Variants in CPEB3 observed in about 807,000 individuals in gnomAD.
CPEB3 encodes the protein cytoplasmic polyadenylation element-binding protein 3.
CPEB3 carries 20 observed loss-of-function variants against 67.2 expected under a neutral mutation model. That is an observed-to-expected ratio of 0.30 (90% CI 0.21 to 0.43). CPEB3 has a LOEUF of 0.43. Among genes scored for constraint, CPEB3 ranks in the 20% least tolerant of loss-of-function variants. The probability of loss-of-function intolerance (pLI) is 1.00; values close to 1 mark genes in which losing one functional copy is unlikely to be tolerated. For missense variants in CPEB3, 746 were observed against 968.6 expected (o/e 0.77, Z 3.05); for synonymous variants, 376 against 393.1 (o/e 0.96, Z 0.51).
chr10:92,065,871 A>G (rs1427911544), intron 9 of CPEB3, among the ~76,000 whole-genome samples: 1 of 151,914 alleles, frequency 6.6e-6, no homozygotes, highest in Non-Finnish European at 1.5e-5. Context: ...AGGCGCAGAG[A>G]TCATTTGAGC....
intron 1 of CPEB3, among the ~76,000 whole-genome samples, chr10:92,273,054 G>A (rs1853371806): frequency 6.6e-6 from 1 of 152,174 alleles, no homozygotes; most frequent in Admixed American, 6.6e-5. Flanking sequence ...GAGATATTTA[G>A]GAGATAAACG....
chr10:92,115,500 T>C (rs1844975180), intron 6 of CPEB3, among the ~76,000 whole-genome samples: 2 of 152,230 alleles, frequency 1.3e-5, no homozygotes, highest in South Asian at 2.1e-4. Flanking sequence ...TTAGATGGAA[T>C]GAACGATTTA....
At chr10:92,194,804 G>A (rs1849152332) in intron 2 of CPEB3, among the ~76,000 whole-genome samples, 1 of 152,120 alleles carries the variant, frequency 6.6e-6, no homozygotes, top group Non-Finnish European at 1.5e-5. Context: ...CACTTTGGGA[G>A]GCTGAGGCGG....
intron 4 of CPEB3, among the ~76,000 whole-genome samples, chr10:92,179,335 AT>A (rs1332936291): frequency 6.6e-6 from 1 of 152,114 alleles, no homozygotes; most frequent in Non-Finnish European, 1.5e-5. Flanking sequence ...TTTTAGCTCC[AT>A]TTTTTTCCCA....
At chr10:92,195,283 T>C (rs768704279) in intron 2 of CPEB3, among the ~76,000 whole-genome samples, 1 of 152,196 alleles carries the variant, frequency 6.6e-6, no homozygotes. Context: ...ACCCATTACC[T>C]ATCTCTCCCC....
chr10:92,235,390 G>A (rs1419505001), intron 2 of CPEB3, among the ~76,000 whole-genome samples: 1 of 151,786 alleles, frequency 6.6e-6, no homozygotes, highest in East Asian at 1.9e-4. Context: ...AGGCTGCAGT[G>A]AGCCAACATA....
chr10:92,082,639 G>A (rs1028338453), intron 8 of CPEB3, among the ~76,000 whole-genome samples: 2 of 152,118 alleles, frequency 1.3e-5, no homozygotes, highest in African/African-American at 4.8e-5. Context: ...AGAAAAACAT[G>A]TAGCACTTAC....
At chr10:92,251,379 TTCTCTCCTCTTCTCTC>T (rs1852295575) in intron 1 of CPEB3, among the ~76,000 whole-genome samples, 1 of 152,100 alleles carries the variant, frequency 6.6e-6, no homozygotes, top group Non-Finnish European at 1.5e-5. Flanking sequence ...CTCTTCTCTC[TTCTCTCCTCTTCTCTC>T]TCTCTCTCTC....
intron 2 of CPEB3, among the ~76,000 whole-genome samples, chr10:92,205,181 C>G (rs1038753003): frequency 1.3e-5 from 2 of 152,216 alleles, no homozygotes; most frequent in Non-Finnish European, 2.9e-5. Flanking sequence ...TACGCCCAAA[C>G]TGCTTTCATG....
chr10:92,196,717 G>A (rs1305558421), intron 2 of CPEB3, among the ~76,000 whole-genome samples: 3 of 150,230 alleles, frequency 2.0e-5, no homozygotes, highest in East Asian at 1.9e-4. Flanking sequence ...GCAGTGAGCC[G>A]AGCTCATGGC....
intron 6 of CPEB3, among the ~76,000 whole-genome samples, chr10:92,126,147 A>G (rs931768574): frequency 5.9e-5 from 9 of 152,214 alleles, no homozygotes; most frequent in Non-Finnish European, 1.3e-4. Context: ...GAATTCAACT[A>G]GAAATATGAA....
At chr10:92,182,677 T>A (rs910936767) in intron 3 of CPEB3, among the ~76,000 whole-genome samples, 1 of 151,908 alleles carries the variant, frequency 6.6e-6, no homozygotes, top group Admixed American at 6.6e-5. Flanking sequence ...AATACAAAAA[T>A]TAGCTGGGTG....
At chr10:92,111,619 A>G (rs1413558259) in intron 6 of CPEB3, among the ~76,000 whole-genome samples, 1 of 152,258 alleles carries the variant, frequency 6.6e-6, no homozygotes, top group African/African-American at 2.4e-5. Flanking sequence ...AAATATGTCC[A>G]GAACCAGCAA....
intron 3 of CPEB3, among the ~76,000 whole-genome samples, chr10:92,185,184 C>A (rs1848631702): frequency 6.6e-6 from 1 of 152,186 alleles, no homozygotes; most frequent in Admixed American, 6.5e-5. Context: ...GACATTTCGT[C>A]ACCTGTCCAT....
At chr10:92,121,640 T>C (rs1845393485) in intron 6 of CPEB3, among the ~76,000 whole-genome samples, 1 of 151,058 alleles carries the variant, frequency 6.6e-6, no homozygotes, top group African/African-American at 2.4e-5. Flanking sequence ...ATACTATTAG[T>C]GATGTATTTG....
intron 1 of CPEB3, among the ~76,000 whole-genome samples, chr10:92,272,495 C>G (rs1343304769): frequency 2.6e-5 from 4 of 152,152 alleles, no homozygotes; most frequent in African/African-American, 9.7e-5. Flanking sequence ...GCACACATCT[C>G]TATGTGGGTA....
chr10:92,223,044 C>T (rs1175527014), intron 2 of CPEB3, among the ~76,000 whole-genome samples: 1 of 152,106 alleles, frequency 6.6e-6, no homozygotes, highest in African/African-American at 2.4e-5. Flanking sequence ...TATAATCCTC[C>T]CACATGATTA....
intron 2 of CPEB3, among the ~76,000 whole-genome samples, chr10:92,231,566 G>A (rs1318625472): frequency 2.6e-5 from 4 of 152,030 alleles, no homozygotes; most frequent in South Asian, 4.2e-4. Flanking sequence ...AGAATCACTG[G>A]ATAAGTGACT....
rs190924673 is a variant in CPEB3 at position 92,156,045 on chromosome 10, C to T, written c.1223-10960G>A. 1.3e-3 allele frequency among the ~76,000 whole-genome samples: 192 copies of T among 152,186 alleles called. 2 individuals carry two copies. The highest frequency in any genetic ancestry group is 8.7e-3 in the South Asian group (42 of 4,824). ...TCAATAAGCACTTAATAAGGGCTAA[C>T]GCTACGTAGGGCCCAGTGTTAGGCA... On this transcript the variant is annotated intron_variant, in intron 4 of 9. Coordinates refer to ENST00000265997, the MANE Select transcript of CPEB3 (RefSeq NM_014912.5).
Sources: allele counts gnomAD v4.1 joint callset (sites outside exome capture counted in the v4.1 genomes callset), GRCh38; gene constraint gnomAD v4.1.1; transcripts MANE v1.5; gene names NCBI Gene and HGNC (gene_info 2026-07-23, HGNC 2026-07-21).